ADGRL2: variants seen among roughly 807,000 people sequenced by gnomAD.
ADGRL2 encodes the protein adhesion G protein-coupled receptor L2.
A neutral mutation model predicts 157.4 loss-of-function variants in ADGRL2; 44 were observed. The observed-to-expected ratio is 0.28, with a 90% confidence interval of 0.22 to 0.36. The LOEUF is 0.36. ADGRL2 is among the 10% of genes least tolerant of loss of function. The pLI, the probability that ADGRL2 is intolerant of heterozygous loss-of-function variation, is 1.00. For synonymous variants in ADGRL2, 585 were observed against 624.7 expected (o/e 0.94, Z 0.95); for missense variants, 1,510 against 1,768.9 (o/e 0.85, Z 2.63).
intron 1 of ADGRL2, among the ~76,000 whole-genome samples, chr1:81,744,308 T>A (rs2085171769): frequency 6.6e-6 from 1 of 152,096 alleles, no homozygotes; most frequent in African/African-American, 2.4e-5. Flanking sequence ...TTGTAAACTA[T>A]ATGGAGTAGG....
chr1:81,377,009 G>A lies in ADGRL2; in HGVS notation c.-301-68027G>A, dbSNP rs80036623. ...TTGAGCCCAGACTGAGCCAAAAAGC[G>A]AGACACCATCTCTCCAAAAAAAATT... On this transcript the variant is annotated intron_variant, in intron 1 of 24. Transcript: ENST00000370721. Among the ~76,000 whole-genome samples, 71 of 152,126 alleles carry A rather than the reference G, an allele frequency of 4.7e-4. 1 individual carries two copies. In the East Asian group the frequency reaches 0.012, roughly 26 times the overall value.
chr1:81,540,226 C>T (rs4650564), intron 2 of ADGRL2, among the ~76,000 whole-genome samples: 14,965 of 152,086 alleles, frequency 0.098, 1,200 homozygotes, highest in East Asian at 0.22. Context: ...ATTTTGCAAT[C>T]TGTTCATTGT....
intron 2 of ADGRL2, among the ~76,000 whole-genome samples, chr1:81,448,046 A>C (rs2077631076): frequency 6.6e-6 from 1 of 151,046 alleles, no homozygotes; most frequent in Admixed American, 6.6e-5. Context: ...AAGTTTCCTG[A>C]GGCCTCCCAA....
chr1:81,440,943 A>G (rs1463445022), intron 1 of ADGRL2, among the ~76,000 whole-genome samples: 4 of 152,168 alleles, frequency 2.6e-5, no homozygotes, highest in Non-Finnish European at 5.9e-5. Context: ...ACAGCCTACT[A>G]TCTTCCTCAC....
chr1:81,457,678 A>T (rs2101780771), intron 2 of ADGRL2, among the ~76,000 whole-genome samples: 1 of 152,280 alleles, frequency 6.6e-6, no homozygotes, highest in East Asian at 1.9e-4. Context: ...TTTCCAGCCA[A>T]ATGAATTTTT....
At chr1:81,979,716 A>G (rs1661128569) in intron 17 of ADGRL2, among the ~76,000 whole-genome samples, 153 bp from the exon 18 acceptor site, 1 of 151,828 alleles carries the variant, frequency 6.6e-6, no homozygotes, top group Non-Finnish European at 1.5e-5. Context: ...ACATAGCCAG[A>G]GTATTTTTTA....
At chr1:81,573,397 C>T (rs1475360536) in intron 2 of ADGRL2, among the ~76,000 whole-genome samples, 1 of 152,110 alleles carries the variant, frequency 6.6e-6, no homozygotes, top group Non-Finnish European at 1.5e-5. Context: ...TTTTCCCTTT[C>T]CCACTCTGTT....
At position 81,828,074 on chromosome 1, in the gene ADGRL2, A is replaced by G. The variant is rs369965065; in HGVS notation, c.-100-8811A>G. 1.3e-3 allele frequency among the ~76,000 whole-genome samples: 197 copies of G among 152,340 alleles called. 2 individuals carry two copies. The highest frequency in any genetic ancestry group is 4.6e-3 in the African/African-American group (190 of 41,584). On this transcript the variant is annotated intron_variant, in intron 1 of 23. Transcript: ENST00000686636. ...ATCTTGGTCTTAGGATTGTTCATCTATAAACAGGGGTTGGGCAAACTATGG... is the reference window on the plus strand; with the variant it reads ...ATCTTGGTCTTAGGATTGTTCATCTGTAAACAGGGGTTGGGCAAACTATGG...
At chr1:81,866,802 T>C (rs1176096782) in intron 2 of ADGRL2, among the ~76,000 whole-genome samples, 2 of 152,168 alleles carry the variant, frequency 1.3e-5, no homozygotes, top group African/African-American at 4.8e-5. Flanking sequence ...GATTCAGTTA[T>C]TAACTTCATT....
chr1:81,850,882 A>T (rs544482350), intron 2 of ADGRL2, among the ~76,000 whole-genome samples: 11 of 152,032 alleles, frequency 7.2e-5, no homozygotes, highest in Non-Finnish European at 1.5e-4. Flanking sequence ...ATTGAAGTTA[A>T]GCACAATGTT....
chr1:81,641,959 G>C (rs187205477), intron 3 of ADGRL2, among the ~76,000 whole-genome samples: 1 of 151,770 alleles, frequency 6.6e-6, no homozygotes, highest in South Asian at 2.1e-4. Flanking sequence ...GAAATAAAGA[G>C]AGAAGACACA....
At chr1:81,488,123 T>C (rs1459405428) in intron 2 of ADGRL2, among the ~76,000 whole-genome samples, 2 of 152,102 alleles carry the variant, frequency 1.3e-5, no homozygotes, top group Non-Finnish European at 2.9e-5. Context: ...TTCCCCTTTA[T>C]TTTTATTTTT....
intron 1 of ADGRL2, among the ~76,000 whole-genome samples, chr1:81,326,430 T>C (rs1399476298): frequency 6.6e-6 from 1 of 152,198 alleles, no homozygotes; most frequent in East Asian, 1.9e-4. Context: ...TAATAAGTGC[T>C]CTGTCTAGTT....
chr1:81,788,934 T>C (rs2087192813), intron 2 of ADGRL2, among the ~76,000 whole-genome samples: 1 of 152,156 alleles, frequency 6.6e-6, no homozygotes, highest in African/African-American at 2.4e-5. Context: ...ACCAGGATGG[T>C]CTCGATCTCC....
chr1:81,699,945 A>C (rs1240507269), intron 1 of ADGRL2: 1 of 152,164 alleles, frequency 6.6e-6, no homozygotes, highest in East Asian at 1.9e-4. Flanking sequence ...AACTTGAGGG[A>C]TAGAATTGTC....
chr1:81,619,844 A>T (rs986260837), intron 3 of ADGRL2, among the ~76,000 whole-genome samples: 1 of 152,032 alleles, frequency 6.6e-6, no homozygotes, highest in African/African-American at 2.4e-5. Flanking sequence ...CAGACTCTGG[A>T]GTCAGACTGT....
At chr1:81,835,648 A>G (rs2092238407) in intron 1 of ADGRL2, among the ~76,000 whole-genome samples, 1 of 152,046 alleles carries the variant, frequency 6.6e-6, no homozygotes, top group Admixed American at 6.6e-5. Flanking sequence ...CTTTGGACAG[A>G]TAAGCATCTG....
chr1:81,557,513 G>GAAAGAA (rs879415809), intron 2 of ADGRL2: 8 of 136,578 alleles, frequency 5.9e-5, no homozygotes, highest in South Asian at 2.9e-4. Flanking sequence ...AAGAAAGAAA[G>GAAAGAA]AAAGAAAGAA....
chr1:81,330,904 T>C (rs1456318108), intron 1 of ADGRL2, among the ~76,000 whole-genome samples: 1 of 152,164 alleles, frequency 6.6e-6, no homozygotes, highest in Non-Finnish European at 1.5e-5. Context: ...AGAACACATG[T>C]TAATAACTAT....
Sources: gnomAD v4.1 joint callset for allele counts (sites outside exome capture counted in the v4.1 genomes callset) on GRCh38, gnomAD v4.1.1 for gene constraint, MANE v1.5 for transcripts, NCBI Gene and HGNC (gene_info 2026-07-23, HGNC 2026-07-21) for gene names.